Variants in NRXN3 observed in about 807,000 individuals in gnomAD.
NRXN3 encodes the protein neurexin 3, also known as neurexin III.
In NRXN3, 32 loss-of-function variants were observed where a neutral mutation model predicts 137.6. The observed-to-expected ratio is 0.23, with a 90% CI of 0.18 to 0.31. NRXN3 has a LOEUF of 0.31. Among genes scored for constraint, NRXN3 ranks in the 10% least tolerant of loss-of-function variants. The pLI, the probability that NRXN3 is intolerant of heterozygous loss-of-function variation, is 1.00. For missense variants in NRXN3, 1,574 were observed against 2,062.5 expected, an observed-to-expected ratio of 0.76 and a Z score of 4.59; for synonymous variants, 798 against 784.5, an observed-to-expected ratio of 1.02 and a Z score of -0.29.
intron 1 of NRXN3, among the ~76,000 whole-genome samples, chr14:78,219,003 G>A (rs149852804): frequency 1.1e-4 from 17 of 152,244 alleles, no homozygotes; most frequent in South Asian, 4.2e-4. Context: ...TTCCCTCTGC[G>A]TGTATCTGTG....
chr14:78,748,034 G>A (rs1054253395), intron 8 of NRXN3, among the ~76,000 whole-genome samples: 1 of 152,172 alleles, frequency 6.6e-6, no homozygotes, highest in Non-Finnish European at 1.5e-5. Context: ...CTTTTGGGAA[G>A]ATACACATGA....
At chr14:78,564,020 C>T (rs542641178) in intron 4 of NRXN3, among the ~76,000 whole-genome samples, 1 of 152,286 alleles carries the variant, frequency 6.6e-6, no homozygotes, top group South Asian at 2.1e-4. Context: ...TGCCTTATCT[C>T]CTGTAGCACA....
intron 10 of NRXN3, among the ~76,000 whole-genome samples, chr14:78,863,490 T>C (rs1050245235): frequency 3.9e-5 from 6 of 152,074 alleles, no homozygotes; most frequent in Non-Finnish European, 8.8e-5. Flanking sequence ...TCATCAATCA[T>C]ATGTGACAGA....
intron 4 of NRXN3, among the ~76,000 whole-genome samples, chr14:78,327,382 C>T (rs888203296): frequency 6.6e-6 from 1 of 152,166 alleles, no homozygotes; most frequent in African/African-American, 2.4e-5. Flanking sequence ...GGCTCATCTC[C>T]TGAGGTTGTA....
intron 15 of NRXN3, among the ~76,000 whole-genome samples, chr14:79,059,451 G>T (rs1306203069): frequency 6.6e-6 from 1 of 151,754 alleles, no homozygotes; most frequent in East Asian, 1.9e-4. Flanking sequence ...TAGAGACGGG[G>T]TTTCACCGTG....
chr14:78,865,378 T>C (rs1406287112), intron 10 of NRXN3, among the ~76,000 whole-genome samples: 1 of 152,148 alleles, frequency 6.6e-6, no homozygotes, highest in East Asian at 1.9e-4. Context: ...GTTGTAAAAG[T>C]AAGAAGGTTC....
chr14:78,903,298 G>A (rs1382154573), intron 10 of NRXN3, among the ~76,000 whole-genome samples: 5 of 151,922 alleles, frequency 3.3e-5, no homozygotes, highest in African/African-American at 1.2e-4. Context: ...ATAGGCTCAT[G>A]CCACCACAGC....
At chr14:78,813,999 C>G (rs1007574858) in intron 10 of NRXN3, among the ~76,000 whole-genome samples, 1 of 152,074 alleles carries the variant, frequency 6.6e-6, no homozygotes, top group Non-Finnish European at 1.5e-5. Context: ...AATACTTTGT[C>G]TTTCCTCATG....
chr14:79,642,342 A>G (rs1192319545), intron 16 of NRXN3, among the ~76,000 whole-genome samples: 4 of 135,826 alleles, frequency 2.9e-5, no homozygotes, highest in Admixed American at 7.8e-5. Flanking sequence ...TGACCAAGCC[A>G]TCCAAATTAT....
intron 14 of NRXN3, among the ~76,000 whole-genome samples, chr14:78,986,551 A>G (rs914768542): frequency 9.9e-5 from 15 of 152,194 alleles, no homozygotes; most frequent in Non-Finnish European, 1.8e-4. Context: ...CAAAATAGGT[A>G]AATTTACTTG....
At chr14:79,211,485 T>A (rs375215864) in intron 15 of NRXN3, among the ~76,000 whole-genome samples, 1 of 152,132 alleles carries the variant, frequency 6.6e-6, no homozygotes, top group African/African-American at 2.4e-5. Flanking sequence ...CCACCTTATG[T>A]AAGTGAAATC....
chr14:79,308,469 A>G (rs1412187782), intron 15 of NRXN3, among the ~76,000 whole-genome samples: 2 of 152,150 alleles, frequency 1.3e-5, no homozygotes, highest in Non-Finnish European at 2.9e-5. Flanking sequence ...AATTTTCTAG[A>G]AACTTTTTAA....
At chr14:78,533,502 C>T (rs900266691) in intron 4 of NRXN3, among the ~76,000 whole-genome samples, 2 of 152,140 alleles carry the variant, frequency 1.3e-5, no homozygotes, top group Non-Finnish European at 2.9e-5. Context: ...ATAAGGCTGT[C>T]CACGATCCAT....
intron 6 of NRXN3, among the ~76,000 whole-genome samples, chr14:78,663,358 T>G (rs1159333718): frequency 6.6e-6 from 1 of 152,228 alleles, no homozygotes; most frequent in East Asian, 1.9e-4. Flanking sequence ...TAGATACAAT[T>G]ACCTATTTCT....
intron 4 of NRXN3, among the ~76,000 whole-genome samples, chr14:78,582,040 G>T (rs1173235929): frequency 1.3e-5 from 2 of 152,176 alleles, no homozygotes; most frequent in Non-Finnish European, 2.9e-5. Context: ...GCTTCATGTT[G>T]TTCTGTCCAT....
At chr14:78,553,951 A>G (rs72683527) in intron 4 of NRXN3, among the ~76,000 whole-genome samples, 4,329 of 152,292 alleles carry the variant, frequency 0.028, 79 homozygotes, top group South Asian at 0.059. Context: ...AAGGGAAAAG[A>G]CATGCATAAC....
chr14:79,274,101 CAAA>C (rs569693397), intron 15 of NRXN3, among the ~76,000 whole-genome samples: 17 of 74,234 alleles, frequency 2.3e-4, no homozygotes, highest in African/African-American at 6.7e-4. Flanking sequence ...GACTCCGTCT[CAAA>C]AAAAAAAAAA....
At chr14:79,725,530 T>G (rs115050076) in intron 19 of NRXN3, among the ~76,000 whole-genome samples, 1 of 152,120 alleles carries the variant, frequency 6.6e-6, no homozygotes, top group Non-Finnish European at 1.5e-5. Flanking sequence ...CTGAGTGACA[T>G]TAGGCAAACT....
intron 4 of NRXN3, among the ~76,000 whole-genome samples, chr14:78,419,174 G>A (rs2093312567): frequency 6.6e-6 from 1 of 152,194 alleles, no homozygotes; most frequent in Admixed American, 6.5e-5. Flanking sequence ...GCTAGTTCAT[G>A]GTGGGACCTG....
Sources: gnomAD v4.1 joint callset for allele counts (sites outside exome capture counted in the v4.1 genomes callset) on GRCh38, gnomAD v4.1.1 for gene constraint, MANE v1.5 for transcripts, NCBI Gene and HGNC (gene_info 2026-07-23, HGNC 2026-07-21) for gene names.